Variants in EYS observed in about 807,000 individuals in gnomAD.
EYS encodes EGF-like photoreceptor maintenance factor.
Under a neutral mutation model 282.1 loss-of-function variants are expected in EYS, and 250 were observed. The observed-to-expected ratio is 0.89, with a 90% CI of 0.80 to 0.98. The LOEUF is 0.98. Ranked by LOEUF, EYS falls within the 50% of genes least tolerant of loss-of-function variation. The pLI is 0.00. For missense variants in EYS, 4,016 were observed against 3,709.0 expected, an observed-to-expected ratio of 1.08 and a Z score of -2.15; for synonymous variants, 1,355 against 1,282.9, an observed-to-expected ratio of 1.06 and a Z score of -1.20.
At chr6:64,313,129 C>T (rs934815857) in intron 29 of EYS, among the ~76,000 whole-genome samples, 5 of 152,170 alleles carry the variant, frequency 3.3e-5, no homozygotes, top group Admixed American at 6.5e-5. Flanking sequence ...AAGCTAAGAA[C>T]CTTAAAAACA....
chr6:65,001,822 T>A (rs895386796), intron 13 of EYS, among the ~76,000 whole-genome samples: 1 of 147,514 alleles, frequency 6.8e-6, no homozygotes, highest in Admixed American at 6.8e-5. Flanking sequence ...TTAATAAATA[T>A]TTTGGTTGCC....
chr6:65,338,009 T>G (rs73741296), intron 10 of EYS, among the ~76,000 whole-genome samples: 8,499 of 151,172 alleles, frequency 0.056, 786 homozygotes, highest in African/African-American at 0.19. Context: ...AGTTGAATAA[T>G]GAGTTTTTCT....
intron 41 of EYS, among the ~76,000 whole-genome samples, chr6:63,757,163 T>C (rs1769509275): frequency 6.6e-6 from 1 of 152,036 alleles, no homozygotes; most frequent in African/African-American, 2.4e-5. Flanking sequence ...ATTGCTGAAT[T>C]CTTTTCCTAG....
At chr6:65,560,200 CTTATAT>C (rs1370825173) in intron 2 of EYS, among the ~76,000 whole-genome samples, 3 of 134,316 alleles carry the variant, frequency 2.2e-5, no homozygotes, top group Non-Finnish European at 4.6e-5. Context: ...AATATTTATA[CTTATAT>C]TTATATTATA....
chr6:64,019,346 A>C (rs571356962), intron 33 of EYS, among the ~76,000 whole-genome samples: 1 of 152,190 alleles, frequency 6.6e-6, no homozygotes. Flanking sequence ...GTTTTAGGCC[A>C]CATAGTTTGT....
At chr6:65,065,635 G>A (rs370923695) in intron 12 of EYS, among the ~76,000 whole-genome samples, 77 of 151,756 alleles carry the variant, frequency 5.1e-4, no homozygotes, top group African/African-American at 1.7e-3. Flanking sequence ...TGCCCGCCTC[G>A]GCCTCCCAAA....
chr6:64,599,050 A>T (rs1284135173), intron 24 of EYS, among the ~76,000 whole-genome samples: 1 of 152,230 alleles, frequency 6.6e-6, no homozygotes, highest in African/African-American at 2.4e-5. Flanking sequence ...AGGGAAGGCC[A>T]TGTAGGTAGA....
chr6:64,661,209 G>T (rs1055791582), intron 22 of EYS, among the ~76,000 whole-genome samples: 199 of 152,100 alleles, frequency 1.3e-3, no homozygotes, highest in African/African-American at 4.4e-3. Flanking sequence ...ACTGGATCCT[G>T]TCCTTACACC....
chr6:64,229,295 A>G (rs2150337312), intron 31 of EYS, among the ~76,000 whole-genome samples: 1 of 152,246 alleles, frequency 6.6e-6, no homozygotes, highest in Non-Finnish European at 1.5e-5. Flanking sequence ...AATAAATAAG[A>G]GTATTTTTTA....
chr6:65,259,166 T>C (rs1431179055), intron 12 of EYS, among the ~76,000 whole-genome samples: 7 of 152,054 alleles, frequency 4.6e-5, no homozygotes, highest in Non-Finnish European at 8.8e-5. Context: ...TGAAGTAAGT[T>C]GAGACTTTGG....
intron 26 of EYS, among the ~76,000 whole-genome samples, chr6:64,459,152 G>A (rs1775661624): frequency 6.6e-6 from 1 of 152,154 alleles, no homozygotes; most frequent in Non-Finnish European, 1.5e-5. Context: ...CTCATAGCAA[G>A]TTCATAATAA....
At chr6:65,698,385 T>C (rs1769535222) in intron 1 of EYS, among the ~76,000 whole-genome samples, 1 of 152,190 alleles carries the variant, frequency 6.6e-6, no homozygotes, top group Non-Finnish European at 1.5e-5. Context: ...CTCAAAATAC[T>C]GGTGGGTCCT....
At chr6:64,208,694 T>A (rs1765679442) in intron 31 of EYS, among the ~76,000 whole-genome samples, 1 of 152,160 alleles carries the variant, frequency 6.6e-6, no homozygotes, top group Non-Finnish European at 1.5e-5. Flanking sequence ...TATTTATGCT[T>A]AGTTTCTCTT....
At chr6:65,181,992 G>A (rs1203098461) in intron 12 of EYS, among the ~76,000 whole-genome samples, 1 of 151,900 alleles carries the variant, frequency 6.6e-6, no homozygotes, top group Non-Finnish European at 1.5e-5. Flanking sequence ...CTCACTCATA[G>A]GTGGGAATTG....
At chr6:63,789,611 C>T (rs1770456305) in intron 37 of EYS, among the ~76,000 whole-genome samples, 1 of 152,230 alleles carries the variant, frequency 6.6e-6, no homozygotes, top group South Asian at 2.1e-4. Context: ...GATGACCTAG[C>T]ATCAGCTTTG....
chr6:64,716,304 C>A (rs1433555432), intron 22 of EYS, among the ~76,000 whole-genome samples: 1 of 152,170 alleles, frequency 6.6e-6, no homozygotes, highest in Non-Finnish European at 1.5e-5. Flanking sequence ...GTTTTCCTGG[C>A]ACGTAATCAT....
chr6:64,095,715 C>T (rs1582262116), intron 31 of EYS, among the ~76,000 whole-genome samples: 1 of 152,286 alleles, frequency 6.6e-6, no homozygotes, highest in Middle Eastern at 3.4e-3. Flanking sequence ...TCCAATTTGC[C>T]AGGCTGTGTC....
intron 39 of EYS, among the ~76,000 whole-genome samples, chr6:63,783,376 A>T (rs908401166): frequency 1.3e-5 from 2 of 152,192 alleles, no homozygotes; most frequent in African/African-American, 4.8e-5. Flanking sequence ...ACCTGCTGAC[A>T]TCTCACTGGC....
chr6:63,937,474 G>A (rs909175181), intron 35 of EYS, among the ~76,000 whole-genome samples: 5 of 141,052 alleles, frequency 3.5e-5, no homozygotes, highest in South Asian at 2.4e-4. Flanking sequence ...TCCGCCTCCC[G>A]GGTTCACGCC....
Sources: allele counts gnomAD v4.1 joint callset (sites outside exome capture counted in the v4.1 genomes callset), GRCh38; gene constraint gnomAD v4.1.1; transcripts MANE v1.5; gene names NCBI Gene and HGNC (gene_info 2026-07-23, HGNC 2026-07-21).